INSYN2B: variants seen among roughly 807,000 people sequenced by gnomAD.
INSYN2B encodes inhibitory synaptic factor family member 2B, also known as protein INSYN2B.
A neutral mutation model predicts 41.2 loss-of-function variants in INSYN2B; 16 were observed. The observed-to-expected ratio is 0.39, with a 90% confidence interval of 0.26 to 0.59. The LOEUF (loss-of-function observed/expected upper bound fraction) is 0.59. INSYN2B is among the 20% of genes least tolerant of loss of function. The probability of loss-of-function intolerance (pLI) is 0.57; values close to 1 mark genes in which losing one functional copy is unlikely to be tolerated. For missense variants in INSYN2B, 608 were observed against 646.4 expected, an observed-to-expected ratio of 0.94 and a Z score of 0.64; for synonymous variants, 245 against 244.4, an observed-to-expected ratio of 1.00 and a Z score of -0.02.
chr5:169,909,896 G>T (rs962844038), intron 1 of INSYN2B, among the ~76,000 whole-genome samples: 1 of 152,126 alleles, frequency 6.6e-6, no homozygotes, highest in African/African-American at 2.4e-5. Context: ...TTTACTTGGG[G>T]CTAATCCTCT....
intron 1 of INSYN2B, among the ~76,000 whole-genome samples, chr5:169,900,238 G>A (rs997069023): frequency 1.3e-5 from 2 of 152,140 alleles, no homozygotes; most frequent in African/African-American, 4.8e-5. Flanking sequence ...ACCATCCCAG[G>A]CCCTAACCTG....
rs371407294 is a variant in INSYN2B at position 169,916,960 on chromosome 5, G to A, written c.-918-32144C>T. Among the ~76,000 whole-genome samples the A allele has an allele frequency of 2.0e-4, 31 of 152,252 alleles. No individual in the cohort carries two copies. In the East Asian group the frequency reaches 2.9e-3, roughly 14 times the overall value. Reference sequence around the variant, plus strand: ...CTGTAAAGAAATGCAAATAGCCATCGTCATTACTCTTCCAAATCCAGGACT... The same window carrying A: ...CTGTAAAGAAATGCAAATAGCCATCATCATTACTCTTCCAAATCCAGGACT... On this transcript the variant is annotated intron_variant, in intron 1 of 3. Coordinates refer to ENST00000377365, the MANE Select transcript of INSYN2B (RefSeq NM_001129891.3).
chr5:169,972,582 TAGATGATAGATA>T (rs1320562254), intron 1 of INSYN2B, among the ~76,000 whole-genome samples: 869 of 61,432 alleles, frequency 0.014, 5 homozygotes, highest in African/African-American at 0.054. Context: ...GATAGATAGA[TAGATGATAGATA>T]GATAGATAGA....
intron 2 of INSYN2B, among the ~76,000 whole-genome samples, chr5:169,882,025 G>T (rs935420753): frequency 2.0e-5 from 3 of 152,204 alleles, no homozygotes; most frequent in African/African-American, 7.2e-5. Flanking sequence ...TGTGCAAAAT[G>T]AATTGTGATC....
rs1232854002 is a variant in INSYN2B at position 169,883,929 on chromosome 5, C to T, written c.-31G>A. The T allele has an allele frequency of 2.7e-6, 4 of 1,459,946 alleles. No homozygotes were observed. The African/African-American group carries it at 4.3e-5, about 16-fold the overall frequency. The allele number at this position is 1,459,946 out of a possible 1,614,324, so 90.4% of individuals were successfully genotyped here. ...CTCAGTGGGAAGGATCAGGACCATA[C>T]ACTTCTCCTAGGCACATCTCCCCTT... On this transcript the variant is annotated 5_prime_UTR_variant, in exon 2 of 4. Transcript: ENST00000377365.
intron 1 of INSYN2B, among the ~76,000 whole-genome samples, chr5:169,894,626 T>C (rs1357109688): frequency 6.6e-6 from 1 of 152,144 alleles, no homozygotes; most frequent in African/African-American, 2.4e-5. Context: ...CACAAGCAGT[T>C]TGCAAAAGCG....
intron 1 of INSYN2B, among the ~76,000 whole-genome samples, chr5:169,935,646 G>A (rs1009046911): frequency 2.6e-5 from 4 of 152,324 alleles, no homozygotes; most frequent in Admixed American, 6.5e-5. Flanking sequence ...TAGTGAGGTG[G>A]TGATGAACGT....
intron 1 of INSYN2B, among the ~76,000 whole-genome samples, chr5:169,967,433 G>T (rs566331226): frequency 6.6e-6 from 1 of 152,330 alleles, no homozygotes; most frequent in Admixed American, 6.5e-5. Context: ...AATATGATCT[G>T]GATGTGCAGG....
At chr5:169,901,724 G>A (rs1773936866) in intron 1 of INSYN2B, among the ~76,000 whole-genome samples, 1 of 152,204 alleles carries the variant, frequency 6.6e-6, no homozygotes. Flanking sequence ...GATTTGAGTG[G>A]ATTTGACTTA....
At position 169,922,128 on chromosome 5, in the gene INSYN2B, A is replaced by G. The variant is rs138771973; in HGVS notation, c.-918-37312T>C. ...CATTTGAGAGAGAACGTTAACATAA[A>G]CTGCAGTAATGTCAGTCATCAATAT... On this transcript the variant is annotated intron_variant, in intron 1 of 3. Coordinates refer to ENST00000377365, the MANE Select transcript of INSYN2B (RefSeq NM_001129891.3). Among the ~76,000 whole-genome samples, 960 of 152,286 alleles carry G rather than the reference A, an allele frequency of 6.3e-3. 6 individuals carry two copies. Among genetic ancestry groups the G allele is most frequent in the Non-Finnish European group, 7.9e-3 (536 of 68,036 alleles).
chr5:169,953,820 A>C (rs763878212), intron 1 of INSYN2B, among the ~76,000 whole-genome samples: 1 of 152,226 alleles, frequency 6.6e-6, no homozygotes, highest in African/African-American at 2.4e-5. Flanking sequence ...GGCTAAGAGC[A>C]TGAGCCCTGG....
intron 1 of INSYN2B, among the ~76,000 whole-genome samples, chr5:169,938,367 T>C (rs1000795069): frequency 5.3e-5 from 8 of 152,032 alleles, no homozygotes; most frequent in African/African-American, 1.9e-4. Context: ...AACATCAGAG[T>C]GTACTCACAC....
chr5:169,978,279 C>T (rs1281955577), intron 1 of INSYN2B, among the ~76,000 whole-genome samples: 1 of 151,368 alleles, frequency 6.6e-6, no homozygotes, highest in East Asian at 2.0e-4. Flanking sequence ...CACCCATGCC[C>T]CTCGCCCCTA....
chr5:169,978,904 T>C (rs1402064228), intron 1 of INSYN2B, among the ~76,000 whole-genome samples: 1 of 152,140 alleles, frequency 6.6e-6, no homozygotes, highest in African/African-American at 2.4e-5. Flanking sequence ...TTTTAAACCA[T>C]CCCAATCGGA....
intron 1 of INSYN2B, among the ~76,000 whole-genome samples, chr5:169,888,731 A>G (rs1266056645): frequency 6.6e-6 from 1 of 152,240 alleles, no homozygotes; most frequent in Non-Finnish European, 1.5e-5. Flanking sequence ...AAAACCGCCT[A>G]AACTGGTTGT....
intron 1 of INSYN2B, among the ~76,000 whole-genome samples, chr5:169,963,941 T>C (rs1283135553): frequency 6.6e-6 from 1 of 152,056 alleles, no homozygotes; most frequent in Non-Finnish European, 1.5e-5. Context: ...ATGCTGCTGC[T>C]GCAGCTCCAG....
At chr5:169,913,190 C>T (rs1424391476) in intron 1 of INSYN2B, among the ~76,000 whole-genome samples, 2 of 152,146 alleles carry the variant, frequency 1.3e-5, no homozygotes, top group South Asian at 2.1e-4. Flanking sequence ...CTAGCGGAGT[C>T]GGAATGTGCT....
Position 169,867,993 on chromosome 5 carries a change from T to G in INSYN2B, c.1422-3534A>C, listed in dbSNP as rs1771699952. Among the ~76,000 whole-genome samples, 10 of 152,336 alleles carry G rather than the reference T, an allele frequency of 6.6e-5. No individual in the cohort carries two copies. In the South Asian group the frequency reaches 2.1e-3, roughly 32 times the overall value. Reference sequence around the variant, plus strand: ...GGAACATCTATATTCACAATGCTCCTAGCTCCTGAAATAGCCCTGCCCTCC... The same window carrying G: ...GGAACATCTATATTCACAATGCTCCGAGCTCCTGAAATAGCCCTGCCCTCC... On this transcript the variant is annotated intron_variant, in intron 3 of 3. Transcript: ENST00000377365.
chr5:169,895,862 A>G (rs575417133), intron 1 of INSYN2B, among the ~76,000 whole-genome samples: 22 of 152,254 alleles, frequency 1.4e-4, no homozygotes, highest in Admixed American at 2.6e-4. Flanking sequence ...CACATAATAG[A>G]TATAGTAAGA....
Sources: gnomAD v4.1 joint callset for allele counts (sites outside exome capture counted in the v4.1 genomes callset) on GRCh38, gnomAD v4.1.1 for gene constraint, MANE v1.5 for transcripts, NCBI Gene and HGNC (gene_info 2026-07-23, HGNC 2026-07-21) for gene names.